The following BLTP3B variants were observed in gnomAD, a reference collection of about 807,000 sequenced individuals.
BLTP3B encodes bridge-like lipid transfer protein family member 3B.
the BLTP3B span, among the ~76,000 whole-genome samples, chr12:100,049,430 G>A: frequency 3.3e-5 from 5 of 152,176 alleles, no homozygotes; most frequent in Admixed American, 3.3e-4. Flanking sequence ...TCTTAAACAG[G>A]TCAAATATAT....
the BLTP3B span, chr12:100,037,534 T>A: frequency 6.5e-7 from 1 of 1,547,118 alleles, no homozygotes; most frequent in Non-Finnish European, 8.6e-7. Flanking sequence ...TTTTATTGTC[T>A]TTTCATGAAA....
the BLTP3B span, among the ~76,000 whole-genome samples, chr12:100,116,666 T>C: frequency 1.3e-5 from 2 of 152,158 alleles, no homozygotes; most frequent in Admixed American, 6.5e-5. Context: ...AAAATTGCTT[T>C]TCCCCTAAGA....
At chr12:100,101,399 G>A in the BLTP3B span, among the ~76,000 whole-genome samples, 6 of 152,146 alleles carry the variant, frequency 3.9e-5, no homozygotes, top group Non-Finnish European at 7.3e-5. Context: ...GTACACACAC[G>A]AATGCATTCA....
the BLTP3B span, among the ~76,000 whole-genome samples, chr12:100,079,687 A>C: frequency 1.3e-5 from 2 of 152,228 alleles, no homozygotes; most frequent in Non-Finnish European, 2.9e-5. Context: ...AGTAAAGAGA[A>C]GCCTAATGTT....
the BLTP3B span, among the ~76,000 whole-genome samples, chr12:100,072,236 T>C: frequency 6.6e-6 from 1 of 151,552 alleles, no homozygotes; most frequent in Non-Finnish European, 1.5e-5. Flanking sequence ...CACTCCAGCC[T>C]GGGCAACAGA....
the BLTP3B span, among the ~76,000 whole-genome samples, chr12:100,067,928 A>C: frequency 6.6e-6 from 1 of 152,236 alleles, no homozygotes. Flanking sequence ...TACTGCCAAA[A>C]GCAATTTACA....
the BLTP3B span, chr12:100,093,111 G>T: frequency 3.3e-6 from 1 of 301,228 alleles, no homozygotes; most frequent in Non-Finnish European, 4.9e-6. Flanking sequence ...GCAAACTTTT[G>T]TTTCAACTCG....
At chr12:100,060,768 T>C in the BLTP3B span, among the ~76,000 whole-genome samples, 1 of 152,226 alleles carries the variant, frequency 6.6e-6, no homozygotes. Flanking sequence ...CATTTTGTTT[T>C]CAGAGCACCT....
the BLTP3B span, among the ~76,000 whole-genome samples, chr12:100,125,851 A>C: frequency 1.3e-5 from 2 of 152,252 alleles, no homozygotes; most frequent in Admixed American, 1.3e-4. Flanking sequence ...ATATAAATAA[A>C]TCATTGCAAT....
the BLTP3B span, among the ~76,000 whole-genome samples, chr12:100,049,766 G>A: frequency 6.6e-6 from 1 of 152,244 alleles, no homozygotes; most frequent in South Asian, 2.1e-4. Context: ...GAGTGAACTT[G>A]CTGAACAAGA....
At chr12:100,121,202 T>C in the BLTP3B span, among the ~76,000 whole-genome samples, 2 of 150,856 alleles carry the variant, frequency 1.3e-5, no homozygotes, top group African/African-American at 4.9e-5. Flanking sequence ...ACAGAATTTT[T>C]AGTGGGGTGT....
At chr12:100,051,658 T>C in the BLTP3B span, 2 of 153,106 alleles carry the variant, frequency 1.3e-5, no homozygotes, top group African/African-American at 4.8e-5. Flanking sequence ...GGAAAATACC[T>C]GTGAATACAT....
At chr12:100,103,178 T>C in the BLTP3B span, among the ~76,000 whole-genome samples, 2 of 152,136 alleles carry the variant, frequency 1.3e-5, no homozygotes, top group Admixed American at 6.6e-5. Context: ...CTCCCAGATA[T>C]ATTCATTGAT....
At chr12:100,083,176 T>C in the BLTP3B span, 1 of 1,402,860 alleles carries the variant, frequency 7.1e-7, no homozygotes. Flanking sequence ...TGCAAAATTA[T>C]TTTTAACAGT....
At chr12:100,055,124 TGTAAAGA>T in the BLTP3B span, among the ~76,000 whole-genome samples, 6 of 151,986 alleles carry the variant, frequency 3.9e-5, no homozygotes, top group African/African-American at 1.2e-4. Flanking sequence ...CTCTGACTTA[TGTAAAGA>T]GTAAATTTTT....
the BLTP3B span, chr12:100,059,630 C>A: frequency 7.5e-7 from 1 of 1,340,924 alleles, no homozygotes; most frequent in Non-Finnish European, 9.9e-7. Flanking sequence ...TTTTCTTGAC[C>A]TTTCCCCCAA....
chr12:100,068,171 TAG>T, the BLTP3B span, among the ~76,000 whole-genome samples: 2 of 152,188 alleles, frequency 1.3e-5, no homozygotes, highest in African/African-American at 2.4e-5. Flanking sequence ...TGGAACAGAA[TAG>T]AGAATCCAGA....
chr12:100,082,722 G>A, the BLTP3B span, among the ~76,000 whole-genome samples: 1 of 151,728 alleles, frequency 6.6e-6, no homozygotes, highest in Non-Finnish European at 1.5e-5. Flanking sequence ...TTTATTTCTA[G>A]GTTCCCTAAT....
chr12:100,140,674 C>T, the BLTP3B span, among the ~76,000 whole-genome samples: 2 of 118,254 alleles, frequency 1.7e-5, no homozygotes, highest in African/African-American at 6.7e-5. Flanking sequence ...CATTGCACTC[C>T]AGTCTGGGAA....
Sources: gnomAD v4.1 joint callset for allele counts (sites outside exome capture counted in the v4.1 genomes callset) on GRCh38, gnomAD v4.1.1 for gene constraint, MANE v1.5 for transcripts, NCBI Gene and HGNC (gene_info 2026-07-23, HGNC 2026-07-21) for gene names.